DLC1: variants seen among roughly 807,000 people sequenced by gnomAD.
DLC1 encodes rho GTPase-activating protein 7.
A neutral mutation model predicts 140.3 loss-of-function variants in DLC1; 54 were observed. The observed-to-expected ratio is 0.38, with a 90% confidence interval of 0.31 to 0.48. The LOEUF (loss-of-function observed/expected upper bound fraction) is 0.48. DLC1 is among the 20% of genes least tolerant of loss of function. The pLI, the probability that DLC1 is intolerant of heterozygous loss-of-function variation, is 0.96. For missense variants in DLC1, 2,536 were observed against 1,907.0 expected (o/e 1.33, Z -6.14); for synonymous variants, 986 against 728.1 (o/e 1.35, Z -5.70).
intron 4 of DLC1, among the ~76,000 whole-genome samples, chr8:13,354,274 T>A (rs765453576): frequency 6.6e-6 from 1 of 152,114 alleles, no homozygotes; most frequent in Non-Finnish European, 1.5e-5. Flanking sequence ...CTGCAGAAAT[T>A]TGTACTTCTG....
chr8:13,308,736 G>T (rs1447232528), intron 4 of DLC1, among the ~76,000 whole-genome samples: 2 of 152,138 alleles, frequency 1.3e-5, no homozygotes, highest in Non-Finnish European at 2.9e-5. Flanking sequence ...CACATCACTG[G>T]TGTGTCATTA....
chr8:13,269,901 CA>C (rs371620278), intron 5 of DLC1, among the ~76,000 whole-genome samples: 59,855 of 129,432 alleles, frequency 0.46, 12,619 homozygotes, highest in East Asian at 0.69. Context: ...ACTAAAAATA[CA>C]AAAAAAAAAA....
chr8:13,601,435 A>G (rs1056088798), intron 1 of DLC1, among the ~76,000 whole-genome samples: 1 of 151,794 alleles, frequency 6.6e-6, no homozygotes, highest in Non-Finnish European at 1.5e-5. Context: ...CATGCAAGCC[A>G]TAGTTCCCGG....
chr8:13,456,347 G>GT (rs1187666885), intron 2 of DLC1, among the ~76,000 whole-genome samples: 2 of 152,002 alleles, frequency 1.3e-5, no homozygotes, highest in Non-Finnish European at 2.9e-5. Context: ...AAGTTTTTTT[G>GT]CCTTGCCTAT....
chr8:13,583,707 A>C (rs1416192936), intron 1 of DLC1, among the ~76,000 whole-genome samples: 1 of 152,260 alleles, frequency 6.6e-6, no homozygotes, highest in African/African-American at 2.4e-5. Context: ...TCGATTAAAA[A>C]AGAAGCAACA....
At chr8:13,122,939 G>A (rs1027110548) in intron 5 of DLC1, among the ~76,000 whole-genome samples, 7 of 152,058 alleles carry the variant, frequency 4.6e-5, no homozygotes, top group African/African-American at 7.2e-5. Context: ...TTTAGCTAAA[G>A]CTAATCATCC....
intron 2 of DLC1, among the ~76,000 whole-genome samples, chr8:13,478,603 C>T (rs1800545504): frequency 6.6e-6 from 1 of 152,160 alleles, no homozygotes. Context: ...CCAGTCTTTC[C>T]TCCGAGCCCT....
Position 13,305,363 on chromosome 8 carries a change from A to G in DLC1, c.1315-61T>C, listed in dbSNP as rs1432763625. Reference sequence around the variant, plus strand: ...GGAAGAAACATCAGAAAGCATCATTAGAAATAAAACGAAGTGTAATTAATG... The same window carrying G: ...GGAAGAAACATCAGAAAGCATCATTGGAAATAAAACGAAGTGTAATTAATG... On this transcript the variant is annotated intron_variant, in intron 4 of 17. Coordinates refer to ENST00000276297, the MANE Select transcript of DLC1 (RefSeq NM_182643.3). 2.7e-6 allele frequency: 4 copies of G among 1,508,566 alleles called. No homozygotes were observed. The African/African-American group carries it at 5.6e-5, about 21-fold the overall frequency. 93.4% of individuals were successfully genotyped at this position (1,508,566 alleles called of 1,614,324 possible).
chr8:13,143,271 A>G (rs1823150741), intron 5 of DLC1, among the ~76,000 whole-genome samples: 1 of 143,708 alleles, frequency 7.0e-6, no homozygotes, highest in Admixed American at 6.7e-5. Context: ...AGGTGGTATG[A>G]TACTGACCGC....
At position 13,553,730 on chromosome 8, in the gene DLC1, C is replaced by G. The variant is rs184072567; in HGVS notation, c.-126+50807G>C. Among the ~76,000 whole-genome samples the G allele has an allele frequency of 4.8e-4, 73 of 152,174 alleles. No individual in the cohort carries two copies. In the Middle Eastern group the frequency reaches 0.01, roughly 21 times the overall value. On this transcript the variant is annotated intron_variant, in intron 1 of 1. Transcript: ENST00000631382. ...ATTTATTGTCTTCATTTTCTGTCTT[C>G]TGATTCTCTTTAGAACAAATGCCCA...
intron 5 of DLC1, among the ~76,000 whole-genome samples, chr8:13,258,974 A>G (rs898517321): frequency 2.0e-5 from 3 of 151,930 alleles, no homozygotes; most frequent in African/African-American, 7.3e-5. Context: ...CATCTCTACT[A>G]AAAATACAAA....
At chr8:13,102,724 A>G in intron 8 of DLC1, 66 bp downstream of exon 8, 5 of 1,396,478 alleles carry the variant, frequency 3.6e-6, no homozygotes, top group Non-Finnish European at 5.1e-6. Context: ...CTATTACAAA[A>G]CACATCATTC....
In DLC1 at chr8:13,100,333, C is replaced by G. The variant is rs1204021661; in HGVS notation, c.2004G>C (p.Leu668=). 6.2e-7 allele frequency: 1 copy of G among 1,614,208 alleles called. No homozygotes were observed. Among genetic ancestry groups the G allele is most frequent in the Non-Finnish European group, 8.5e-7 (1 of 1,180,048 alleles). The change falls in exon 9 of 18, where the codon CTG becomes CTC. Residue 668 remains leucine (L), a synonymous_variant. Coordinates refer to ENST00000276297, the MANE Select transcript of DLC1 (RefSeq NM_182643.3). ...KTAKSKTRSL[L]KRMESLKLKS... is the part of the protein sequence containing the mutation. ...TGAGCTTCAGGCTCTCCATCCGTTT[C>G]AGCAGACTGCGCGTCTTGGACTTGG...
chr8:13,470,582 G>T (rs1388959515), intron 2 of DLC1, among the ~76,000 whole-genome samples: 1 of 152,196 alleles, frequency 6.6e-6, no homozygotes, highest in Non-Finnish European at 1.5e-5. Context: ...CCCCACACCT[G>T]TTGGGATGGT....
intron 5 of DLC1, among the ~76,000 whole-genome samples, chr8:13,230,604 T>C (rs953636645): frequency 2.0e-5 from 3 of 149,990 alleles, no homozygotes; most frequent in Non-Finnish European, 4.4e-5. Flanking sequence ...TTTCTTTTTT[T>C]TTTTTTTTTG....
At chr8:13,566,209 C>G (rs1383700951) in intron 1 of DLC1, among the ~76,000 whole-genome samples, 1 of 152,086 alleles carries the variant, frequency 6.6e-6, no homozygotes, top group Non-Finnish European at 1.5e-5. Flanking sequence ...GTATTAAGCC[C>G]TTCCTGAGGA....
chr8:13,249,142 T>A (rs570047292), intron 5 of DLC1, among the ~76,000 whole-genome samples: 153 of 152,294 alleles, frequency 1.0e-3, no homozygotes, highest in African/African-American at 3.5e-3. Flanking sequence ...AATGGCGCGA[T>A]CTTCGCTCAC....
intron 1 of DLC1, among the ~76,000 whole-genome samples, chr8:13,547,952 T>C (rs1445952690): frequency 6.6e-6 from 1 of 152,070 alleles, no homozygotes; most frequent in African/African-American, 2.4e-5. Context: ...TGTTCAAGTT[T>C]AACACCTTTA....
chr8:13,239,769 T>A (rs1481488784), intron 5 of DLC1, among the ~76,000 whole-genome samples: 1 of 152,146 alleles, frequency 6.6e-6, no homozygotes, highest in African/African-American at 2.4e-5. Flanking sequence ...ATGGGGAGTT[T>A]TCCAGAAGAA....
Sources: allele counts gnomAD v4.1 joint callset (sites outside exome capture counted in the v4.1 genomes callset), GRCh38; gene constraint gnomAD v4.1.1; transcripts MANE v1.5; gene names NCBI Gene and HGNC (gene_info 2026-07-23, HGNC 2026-07-21).